Variants in ADAMTS19 observed in about 807,000 individuals in gnomAD.
ADAMTS19 encodes A disintegrin and metalloproteinase with thrombospondin motifs 19.
A neutral mutation model predicts 153.3 loss-of-function variants in ADAMTS19; 93 were observed. The observed-to-expected ratio is 0.61, with a 90% CI of 0.51 to 0.72. The LOEUF (loss-of-function observed/expected upper bound fraction) is 0.72, where lower values mean the gene tolerates loss of function less well. Ranked by LOEUF, ADAMTS19 falls within the 30% of genes least tolerant of loss-of-function variation. The pLI, the probability that ADAMTS19 is intolerant of heterozygous loss-of-function variation, is 0.00. For missense variants in ADAMTS19, 1,482 were observed against 1,552.1 expected (o/e 0.95, Z 0.76); for synonymous variants, 600 against 556.6 (o/e 1.08, Z -1.10).
chr5:129,621,560 T>G (rs1299188547), intron 9 of ADAMTS19, among the ~76,000 whole-genome samples: 1 of 152,146 alleles, frequency 6.6e-6, no homozygotes, highest in Non-Finnish European at 1.5e-5. Context: ...GTCATAACAG[T>G]CTAGAGAAGA....
At chr5:129,640,273 ATTG>A (rs1752734012) in intron 10 of ADAMTS19, among the ~76,000 whole-genome samples, 1 of 152,266 alleles carries the variant, frequency 6.6e-6, no homozygotes, top group African/African-American at 2.4e-5. Flanking sequence ...TATACAGTAA[ATTG>A]TTGTTAAAAA....
intron 13 of ADAMTS19, among the ~76,000 whole-genome samples, chr5:129,652,430 T>C (rs1753356765): frequency 6.6e-6 from 1 of 152,220 alleles, no homozygotes; most frequent in African/African-American, 2.4e-5. Flanking sequence ...AAGACATGCA[T>C]GGCTTCAACA....
chr5:129,613,555 T>A (rs895800840), intron 8 of ADAMTS19, among the ~76,000 whole-genome samples: 2 of 152,048 alleles, frequency 1.3e-5, no homozygotes, highest in Non-Finnish European at 2.9e-5. Flanking sequence ...GGGAAATTTA[T>A]AGCACTAAAT....
At chr5:129,516,290 T>C (rs1751604754) in intron 3 of ADAMTS19, among the ~76,000 whole-genome samples, 1 of 147,068 alleles carries the variant, frequency 6.8e-6, no homozygotes. Flanking sequence ...TTTTTTTTTG[T>C]ATCAGGGTAA....
chr5:129,735,400 A>G (rs1460571946), intron 22 of ADAMTS19, among the ~76,000 whole-genome samples: 1 of 152,014 alleles, frequency 6.6e-6, no homozygotes, highest in African/African-American at 2.4e-5. Flanking sequence ...ACTCGGATCA[A>G]TCTCATGGCA....
intron 14 of ADAMTS19, among the ~76,000 whole-genome samples, chr5:129,655,228 G>A (rs1753494055): frequency 1.3e-5 from 2 of 152,204 alleles, no homozygotes; most frequent in African/African-American, 2.4e-5. Context: ...GACCCTGTGG[G>A]AAGTGCTTAA....
chr5:129,610,751 C>A (rs1016502909), intron 8 of ADAMTS19, among the ~76,000 whole-genome samples: 2 of 152,172 alleles, frequency 1.3e-5, no homozygotes, highest in African/African-American at 4.8e-5. Flanking sequence ...AATAAACATA[C>A]GTGTGCATGT....
Position 129,461,769 on chromosome 5 carries a change from C to G in ADAMTS19, c.747+12C>G. 1 of 1,479,552 alleles carries G rather than the reference C, an allele frequency of 6.8e-7. No individual in the cohort carries two copies. Among genetic ancestry groups the G allele is most frequent in the Non-Finnish European group, 8.9e-7 (1 of 1,123,592 alleles). The allele number at this position is 1,479,552 out of a possible 1,614,324, so 91.7% of individuals were successfully genotyped here. On this transcript the variant is annotated intron_variant, in intron 2 of 22. Transcript: ENST00000274487. This position sits in a 1 kb window ranked among gnomAD's most constrained non-coding sequence, Gnocchi z 4.6. ...GTGGAGGTGGCCTGGTAAGCGCCTT[C>G]TTTCCCTAGCTCTCCATTTTCCCCT...
intron 21 of ADAMTS19, among the ~76,000 whole-genome samples, chr5:129,715,866 C>T (rs573411435): frequency 2.6e-5 from 4 of 152,044 alleles, no homozygotes; most frequent in East Asian, 1.9e-4. Context: ...AGCACCTAAA[C>T]GGTGTTTAAA....
chr5:129,634,356 G>C (rs923082212), intron 10 of ADAMTS19, among the ~76,000 whole-genome samples: 5 of 152,090 alleles, frequency 3.3e-5, no homozygotes, highest in African/African-American at 1.2e-4. Context: ...TGGCCATACT[G>C]CCCAAAGCAA....
At chr5:129,543,185 G>C (rs1752721917) in intron 6 of ADAMTS19, among the ~76,000 whole-genome samples, 1 of 151,806 alleles carries the variant, frequency 6.6e-6, no homozygotes, top group African/African-American at 2.4e-5. Context: ...CAGTAGCTGG[G>C]ATTACAGGGA....
chr5:129,488,344 A>G (rs1027197429), intron 2 of ADAMTS19, among the ~76,000 whole-genome samples: 10 of 152,022 alleles, frequency 6.6e-5, no homozygotes, highest in Non-Finnish European at 1.5e-5. Context: ...TTTCAGTCTT[A>G]TTGTTACCTT....
At chr5:129,466,543 A>G (rs1197017769) in intron 2 of ADAMTS19, among the ~76,000 whole-genome samples, 2 of 152,184 alleles carry the variant, frequency 1.3e-5, no homozygotes, top group East Asian at 3.8e-4. Context: ...TAAAAACTCA[A>G]TAGATGAGTT....
intron 11 of ADAMTS19, among the ~76,000 whole-genome samples, chr5:129,644,686 A>G (rs1033082747): frequency 1.3e-5 from 2 of 152,208 alleles, no homozygotes; most frequent in Non-Finnish European, 2.9e-5. Flanking sequence ...TACATTTCAA[A>G]GAGATTAAGT....
chr5:129,553,002 A>C (rs1753184059), intron 7 of ADAMTS19, among the ~76,000 whole-genome samples: 1 of 151,992 alleles, frequency 6.6e-6, no homozygotes, highest in Non-Finnish European at 1.5e-5. Flanking sequence ...CCATCTTCCT[A>C]CTGTTGACTC....
chr5:129,694,870 A>C lies in ADAMTS19; in HGVS notation c.2954+15A>C. 1 of 1,564,322 alleles carries C rather than the reference A, an allele frequency of 6.4e-7. No individual in the cohort carries two copies. The highest frequency in any genetic ancestry group is 8.7e-7 in the Non-Finnish European group (1 of 1,153,800). On this transcript the variant is annotated intron_variant, in intron 19 of 22. Transcript: ENST00000274487. ...TGTCAAACAAGGTAACTCTATTCCA[A>C]GGGCCCTTAAAGCATTATTTGTCCA...
chr5:129,561,522 C>T (rs537639499), intron 7 of ADAMTS19, among the ~76,000 whole-genome samples: 94 of 141,988 alleles, frequency 6.6e-4, no homozygotes, highest in South Asian at 5.2e-3. Flanking sequence ...GGTGACAGAG[C>T]GAGACTCCGT....
At chr5:129,710,073 C>T (rs1756370579) in intron 21 of ADAMTS19, among the ~76,000 whole-genome samples, 1 of 152,002 alleles carries the variant, frequency 6.6e-6, no homozygotes, top group Admixed American at 6.6e-5. Context: ...CAGCCCATCA[C>T]CTAGGTATTA....
At chr5:129,556,033 G>A (rs148498472) in intron 7 of ADAMTS19, among the ~76,000 whole-genome samples, 9 of 152,268 alleles carry the variant, frequency 5.9e-5, no homozygotes, top group Admixed American at 4.6e-4. Flanking sequence ...AAGTGCTTCC[G>A]TTGATAAATT....
Sources: allele counts gnomAD v4.1 joint callset (sites outside exome capture counted in the v4.1 genomes callset), GRCh38; gene constraint gnomAD v4.1.1; non-coding constraint Gnocchi (gnomAD v3.1); transcripts MANE v1.5; gene names NCBI Gene and HGNC (gene_info 2026-07-23, HGNC 2026-07-21).